The following RNF217 variants were observed in gnomAD, a reference collection of about 807,000 sequenced individuals.
RNF217 encodes the protein E3 ubiquitin-protein ligase RNF217.
A neutral mutation model predicts 57.8 loss-of-function variants in RNF217; 31 were observed. That is an observed-to-expected ratio of 0.54 (90% CI 0.40 to 0.72). RNF217 has a LOEUF of 0.72. Ranked by LOEUF, RNF217 falls within the 30% of genes least tolerant of loss-of-function variation. The probability of loss-of-function intolerance (pLI) is 0.00; values close to 1 mark genes in which losing one functional copy is unlikely to be tolerated. For synonymous variants in RNF217, 313 were observed against 294.0 expected (o/e 1.06, Z -0.66); for missense variants, 696 against 708.3 (o/e 0.98, Z 0.20).
intron 3 of RNF217, 92 bp downstream of exon 3, chr6:125,058,198 T>G (rs535044163): frequency 7.5e-6 from 8 of 1,073,006 alleles, no homozygotes; most frequent in African/African-American, 6.5e-5. Context: ...ATAACTGTCT[T>G]AATGCAGGTA....
chr6:125,064,197 A>T (rs1261773161), intron 3 of RNF217, among the ~76,000 whole-genome samples: 1 of 152,164 alleles, frequency 6.6e-6, no homozygotes, highest in Non-Finnish European at 1.5e-5. Context: ...ACTTTCAAAT[A>T]ATGCCCATTC....
chr6:124,983,280 G>A, intron 1 of RNF217: 3 of 758,480 alleles, frequency 4.0e-6, no homozygotes, highest in Non-Finnish European at 4.8e-6. Context: ...TTTGTGTCTT[G>A]TGATGTAGAG....
rs567691448 is a variant in RNF217, at chr6:124,991,088, A to G, written c.882+27662A>G. ...ATCATTTAAAAATGTAAGACCTGAC[A>G]TGTTGCTCTTTTACAATGTCTCCTC... is the stretch of plus-strand genomic sequence containing the variant. On this transcript the variant is annotated intron_variant, in intron 1 of 5. Transcript: ENST00000521654. Among the ~76,000 whole-genome samples, 7 of 152,276 alleles carry G rather than the reference A, an allele frequency of 4.6e-5. No individual in the cohort carries two copies. In the East Asian group the frequency reaches 7.7e-4, roughly 17 times the overall value.
intron 3 of RNF217, among the ~76,000 whole-genome samples, chr6:125,067,909 A>T (rs980090695): frequency 1.3e-5 from 2 of 152,084 alleles, no homozygotes; most frequent in African/African-American, 2.4e-5. Flanking sequence ...CAGAGAGGAG[A>T]GGAGAAACTG....
rs1346133760 is a variant in RNF217 at position 124,975,747 on chromosome 6, A to G, written c.882+12321A>G. The stretch of plus-strand genomic sequence containing the variant: ...CCACTGCAATCAGTCCAGTTTTTTC[A>G]TATGAATATATAACCAAAGTGGGAA... On this transcript the variant is annotated intron_variant, in intron 1 of 5. Transcript: ENST00000521654. 2.6e-5 allele frequency among the ~76,000 whole-genome samples: 4 copies of G among 151,898 alleles called. No homozygotes were observed. In the East Asian group the frequency reaches 7.7e-4, roughly 29 times the overall value.
intron 3 of RNF217, 66 bp downstream of exon 3, chr6:125,058,172 A>G: frequency 1.5e-6 from 2 of 1,366,452 alleles, no homozygotes; most frequent in South Asian, 1.6e-5. Flanking sequence ...CAATATTTAC[A>G]TTATTGAAGG....
At chr6:124,981,104 A>G (rs996325049) in intron 1 of RNF217, among the ~76,000 whole-genome samples, 6 of 152,346 alleles carry the variant, frequency 3.9e-5, no homozygotes, top group African/African-American at 1.4e-4. Context: ...GCAGTCACAG[A>G]CACTATATGG....
At chr6:125,036,103 T>C (rs1258390630) in intron 1 of RNF217, among the ~76,000 whole-genome samples, 1 of 151,696 alleles carries the variant, frequency 6.6e-6, no homozygotes, top group Non-Finnish European at 1.5e-5. Context: ...CAGGCCTCGG[T>C]GTGTGATGTT....
intron 1 of RNF217, among the ~76,000 whole-genome samples, chr6:125,028,636 A>G (rs1414972260): frequency 2.0e-5 from 3 of 152,184 alleles, no homozygotes; most frequent in Non-Finnish European, 1.5e-5. Flanking sequence ...AGCATAAAAT[A>G]AAACTGGAAA....
At chr6:125,080,483 T>C (rs1350975292) in intron 4 of RNF217, among the ~76,000 whole-genome samples, 1 of 152,138 alleles carries the variant, frequency 6.6e-6, no homozygotes, top group East Asian at 1.9e-4. Context: ...CTTTAATTTA[T>C]AGAATGATAT....
chr6:125,058,203 C>A, intron 3 of RNF217, 97 bp downstream of exon 3: 2 of 1,042,576 alleles, frequency 1.9e-6, no homozygotes, highest in Non-Finnish European at 2.6e-6. Flanking sequence ...TGTCTTAATG[C>A]AGGTATGTGG....
rs371919329 is a variant in RNF217 at position 125,045,297 on chromosome 6, G to A, written c.969G>A (p.Thr323=). 2.6e-5 allele frequency: 42 copies of A among 1,613,170 alleles called. No homozygotes were observed. Among genetic ancestry groups the A allele is most frequent in the African/African-American group, 8.0e-5 (6 of 74,814 alleles). Residue 323 remains threonine, a synonymous_variant, in exon 2 of 6, where the codon ACG becomes ACA. Transcript: ENST00000521654. ...AAACAACTGTTGTCTATAACTTAACGCATGAAGACTCCATCAAGTATAAGT... is the reference window on the plus strand; with the variant it reads ...AAACAACTGTTGTCTATAACTTAACACATGAAGACTCCATCAAGTATAAGT... The part of the protein sequence containing the change: ...LEETTVVYNL[T]HEDSIKYKYF...
chr6:125,034,502 T>C (rs1786516495), intron 1 of RNF217, among the ~76,000 whole-genome samples: 1 of 152,126 alleles, frequency 6.6e-6, no homozygotes, highest in African/African-American at 2.4e-5. Flanking sequence ...GATCAGATAG[T>C]TGTAGATATG....
intron 3 of RNF217, among the ~76,000 whole-genome samples, chr6:125,068,093 G>A (rs1788005081): frequency 6.6e-6 from 1 of 152,080 alleles, no homozygotes; most frequent in African/African-American, 2.4e-5. Flanking sequence ...TATTTATTAA[G>A]AACATGCTGT....
In RNF217 at chr6:125,016,303, G is replaced by A. The variant is rs113572672; in HGVS notation, c.883-28908G>A. Among the ~76,000 whole-genome samples, 585 of 152,244 alleles carry A rather than the reference G, an allele frequency of 3.8e-3. 5 individuals carry two copies. Among genetic ancestry groups the A allele is most frequent in the Middle Eastern group, 0.017 (5 of 294 alleles). ...AAATTTAGAGCACTCGAATTTTACC[G>A]TGAAGGAGAGAAGAGAAAAACATCA... is the stretch of plus-strand genomic sequence containing the variant. On this transcript the variant is annotated intron_variant, in intron 1 of 5. Transcript: ENST00000521654.
At chr6:125,031,469 G>A (rs1211975935) in intron 1 of RNF217, among the ~76,000 whole-genome samples, 1 of 152,114 alleles carries the variant, frequency 6.6e-6, no homozygotes, top group Non-Finnish European at 1.5e-5. Flanking sequence ...ACTCTTAAAT[G>A]CTTTGCTGCT....
intron 1 of RNF217, among the ~76,000 whole-genome samples, chr6:125,039,510 A>G (rs1562481181): frequency 5.9e-5 from 9 of 152,142 alleles, no homozygotes; most frequent in Admixed American, 5.9e-4. Flanking sequence ...GGGAGACTTT[A>G]ACACCACATT....
intron 1 of RNF217, among the ~76,000 whole-genome samples, chr6:125,040,382 C>T (rs1429909932): frequency 6.6e-6 from 1 of 152,130 alleles, no homozygotes; most frequent in Non-Finnish European, 1.5e-5. Flanking sequence ...CCTCCCAAGA[C>T]TAAACCAGGA....
intron 3 of RNF217, 68 bp from the exon 4 acceptor site, chr6:125,076,589 A>T: frequency 9.9e-7 from 1 of 1,011,424 alleles, no homozygotes; most frequent in Non-Finnish European, 1.6e-6. Context: ...GTTTCATAAA[A>T]TTTGCGATTT....
Sources: gnomAD v4.1 joint callset for allele counts (sites outside exome capture counted in the v4.1 genomes callset) on GRCh38, gnomAD v4.1.1 for gene constraint, MANE v1.5 for transcripts, NCBI Gene and HGNC (gene_info 2026-07-23, HGNC 2026-07-21) for gene names.